Variants in KIF17 observed in about 807,000 individuals in gnomAD.
KIF17 encodes the protein kinesin family member 17.
Under a neutral mutation model 96.8 loss-of-function variants are expected in KIF17, and 80 were observed. The observed-to-expected ratio is 0.83, with a 90% CI of 0.69 to 1.00. The LOEUF is 1.00. KIF17 is among the 50% of genes least tolerant of loss of function. The pLI is 0.00. For synonymous variants in KIF17, 567 were observed against 587.5 expected (o/e 0.97, Z 0.51); for missense variants, 1,280 against 1,372.9 (o/e 0.93, Z 1.07).
chr1:20,683,017 G>A (rs539628418), intron 10 of KIF17, 133 bp from the exon 11 acceptor site: 14 of 721,172 alleles, frequency 1.9e-5, no homozygotes, highest in Middle Eastern at 3.0e-4. Flanking sequence ...GAGGGAAACC[G>A]AGGCTCGGCG....
At chr1:20,680,186 G>A (rs1196186401) in intron 11 of KIF17, among the ~76,000 whole-genome samples, 2 of 152,134 alleles carry the variant, frequency 1.3e-5, no homozygotes, top group African/African-American at 4.8e-5. Flanking sequence ...ACTATACAAA[G>A]AGAAGAGTGT....
Position 20,673,987 on chromosome 1 carries a change from G to A in KIF17, c.2464-1791C>T, listed in dbSNP as rs183230174. ...TCTGTTGCCCAGGCTGGAGTGCAGC[G>A]GCACCTTCTCAGCTCACTGTGGCCT... On this transcript the variant is annotated intron_variant, in intron 11 of 14. Coordinates refer to ENST00000400463, the MANE Select transcript of KIF17 (RefSeq NM_001122819.3). 6.1e-3 allele frequency among the ~76,000 whole-genome samples: 924 copies of A among 151,904 alleles called. 24 individuals carry two copies. Among genetic ancestry groups the A allele is most frequent in the Admixed American group, 0.051 (782 of 15,252 alleles).
In KIF17 at chr1:20,684,944, G is replaced by T; in HGVS notation, c.2096C>A (p.Ala699Asp). The T allele has an allele frequency of 6.2e-7, 1 of 1,603,248 alleles. No homozygotes were observed. Among genetic ancestry groups the T allele is most frequent in the Non-Finnish European group, 8.5e-7 (1 of 1,175,330 alleles). ...AEPGVWLEAQ[A>D]PVALVAQPEP... ...AGGCTGAGCCACCAGGGCCACCGGG[G>T]CCTGAGCCTCCAACCACACGCCAGG... Residue 699 changes from alanine (A) to aspartate (D), a missense_variant, in exon 10 of 15, where the codon GCC (alanine) becomes GAC (aspartate). Transcript: ENST00000400463.
rs2053668790 is a variant in KIF17, at chr1:20,672,665, C to A, written c.2464-469G>T. Reference sequence around the variant, plus strand: ...GCACAAACTCTCCGACTTGACAATCCTCACTCTCCCACTGCCACAGCCCTG... The same window carrying A: ...GCACAAACTCTCCGACTTGACAATCATCACTCTCCCACTGCCACAGCCCTG... On this transcript the variant is annotated intron_variant, in intron 11 of 14. Coordinates refer to ENST00000400463, the MANE Select transcript of KIF17 (RefSeq NM_001122819.3). This position sits in a 1 kb window ranked among gnomAD's most constrained non-coding sequence, Gnocchi z 4.3. Among the ~76,000 whole-genome samples, 1 of 152,198 alleles carries A rather than the reference C, an allele frequency of 6.6e-6. No homozygotes were observed. The highest frequency in any genetic ancestry group is 1.5e-5 in the Non-Finnish European group (1 of 68,036).
At chr1:20,694,626 T>C (rs1371140873) in intron 6 of KIF17, among the ~76,000 whole-genome samples, 3 of 152,108 alleles carry the variant, frequency 2.0e-5, no homozygotes, top group African/African-American at 4.8e-5. Context: ...CTTTGGCAAA[T>C]AGAAACTGGC....
At position 20,670,847 on chromosome 1, in the gene KIF17, G is replaced by A. The variant is rs10157351; in HGVS notation, c.2723-359C>T. Among the ~76,000 whole-genome samples, 141 of 152,002 alleles carry A rather than the reference G, an allele frequency of 9.3e-4. 1 individual carries two copies. The Middle Eastern group carries it at 0.017, about 18-fold the overall frequency. ...AGAGATGTTGGACCTGGATGAACACGCTGAGCAAGAGGGAGGACTCCTGGG... is the reference window on the plus strand; with the variant it reads ...AGAGATGTTGGACCTGGATGAACACACTGAGCAAGAGGGAGGACTCCTGGG... On this transcript the variant is annotated intron_variant, in intron 12 of 14. Transcript: ENST00000400463.
In KIF17 at chr1:20,672,728, C is replaced by A. The variant is rs1475091068; in HGVS notation, c.2464-532G>T. 6.6e-6 allele frequency among the ~76,000 whole-genome samples: 1 copy of A among 152,166 alleles called. No individual in the cohort carries two copies. Among genetic ancestry groups the A allele is most frequent in the Non-Finnish European group, 1.5e-5 (1 of 68,040 alleles). On this transcript the variant is annotated intron_variant, in intron 11 of 14. Coordinates refer to ENST00000400463, the MANE Select transcript of KIF17 (RefSeq NM_001122819.3). This position sits in a 1 kb window ranked among gnomAD's most constrained non-coding sequence, Gnocchi z 4.3. ...ACAAACACTGGACCTAAACAATGGACCTAAGAGTAAGACCCACCTTGATCT... is the reference window on the plus strand; with the variant it reads ...ACAAACACTGGACCTAAACAATGGAACTAAGAGTAAGACCCACCTTGATCT...
Position 20,715,638 on chromosome 1 carries a change from C to G in KIF17, c.233G>C (p.Gly78Ala). The G allele has an allele frequency of 1.2e-6, 2 of 1,613,868 alleles. No homozygotes were observed. The highest frequency in any genetic ancestry group is 1.7e-6 in the Non-Finnish European group (2 of 1,180,030). ...YNEIAYPLVE[G>A]VTEGYNGTIF... ...GGTGCCATTGTAGCCCTCAGTGACGCCCTGCATGGGAGGAAGGCAGGACCC... is the reference window on the plus strand; with the variant it reads ...GGTGCCATTGTAGCCCTCAGTGACGGCCTGCATGGGAGGAAGGCAGGACCC... The change falls in exon 2 of 15, where the codon GGC becomes GCC. Residue 78 changes from glycine to alanine, a missense_variant and splice_region_variant. Coordinates refer to ENST00000400463, the MANE Select transcript of KIF17 (RefSeq NM_001122819.3).
At chr1:20,663,956 GCCACAA>G, downstream of KIF17, 5 of 160,692 alleles carry the variant, frequency 3.1e-5, no homozygotes, top group South Asian at 1.7e-4. Context: ...GAATAGCCAG[GCCACAA>G]TGGCAGGGAG....
rs144285910 is a variant in KIF17 at position 20,709,805 on chromosome 1, G to A, written c.504C>T (p.Gly168=). 6.2e-6 allele frequency: 10 copies of A among 1,612,392 alleles called. No individual in the cohort carries two copies. Among genetic ancestry groups the A allele is most frequent in the South Asian group, 3.3e-5 (3 of 90,868 alleles). The change falls in exon 4 of 15, where the codon GGC becomes GGT. Residue 168 remains glycine, a synonymous_variant. Transcript: ENST00000400463. The surrounding 1 kb of genome is among the most constrained non-coding windows in gnomAD (Gnocchi z 4.7). ...GCATGGACAGCCCCTTCACGTACAC[G>A]CCCTTCTCTGGGTGCTCCTTCAGCT... ...KLELKEHPEK[G]VYVKGLSMHT...
intron 6 of KIF17, among the ~76,000 whole-genome samples, chr1:20,691,259 T>A (rs2054034840): frequency 6.7e-6 from 1 of 149,934 alleles, no homozygotes; most frequent in South Asian, 2.2e-4. Flanking sequence ...ACCACTGCAC[T>A]CCAGCCTGGG....
chr1:20,706,032 C>T (rs2054335554), intron 4 of KIF17, among the ~76,000 whole-genome samples: 1 of 150,552 alleles, frequency 6.6e-6, no homozygotes, highest in Non-Finnish European at 1.5e-5. Context: ...CTTCAGTCTC[C>T]CGAGTAGCTG....
intron 11 of KIF17, among the ~76,000 whole-genome samples, chr1:20,675,373 C>A (rs566015645): frequency 4.2e-5 from 6 of 141,840 alleles, no homozygotes; most frequent in Admixed American, 2.2e-4. Flanking sequence ...GCGTGAACCC[C>A]GGAGGCGGAG....
rs77694323 is a variant in KIF17, at chr1:20,703,486, A to G, written c.1123+961T>C. Among the ~76,000 whole-genome samples the G allele has an allele frequency of 1.2e-3, 121 of 103,138 alleles. 1 individual carries two copies. The highest frequency in any genetic ancestry group is 7.6e-3 in the East Asian group (23 of 3,042). 67.7% of individuals were successfully genotyped at this position (103,138 alleles called of 152,430 possible). Reference sequence around the variant, plus strand: ...TAGATGGGAGGATGGATAGATGGATAGATGGATGGATGCATGGATGGATGG... The same window carrying G: ...TAGATGGGAGGATGGATAGATGGATGGATGGATGGATGCATGGATGGATGG... On this transcript the variant is annotated intron_variant, in intron 5 of 14. Transcript: ENST00000400463.
Position 20,717,854 on chromosome 1 carries a change from C to G in KIF17, c.-148G>C, listed in dbSNP as rs1237414673. 3.8e-6 allele frequency: 2 copies of G among 526,422 alleles called. No homozygotes were observed. The highest frequency in any genetic ancestry group is 4.6e-6 in the Non-Finnish European group (2 of 437,426). The allele number at this position is 526,422 out of a possible 1,614,324, so 32.6% of individuals were successfully genotyped here. A position where few individuals can be genotyped will look rare whatever the true frequency, so the allele number is the denominator to read the frequency against. Reference sequence around the variant, plus strand: ...GGGGCCGCGGCGGGGGGCGGGGACCCCTCGGGGGGCGCCCCGGAGGGGAGC... The same window carrying G: ...GGGGCCGCGGCGGGGGGCGGGGACCGCTCGGGGGGCGCCCCGGAGGGGAGC... On this transcript the variant is annotated 5_prime_UTR_variant, in exon 1 of 15. Transcript: ENST00000400463.
chr1:20,702,965 G>A (rs1010082643), intron 5 of KIF17, among the ~76,000 whole-genome samples: 3 of 152,220 alleles, frequency 2.0e-5, no homozygotes, highest in East Asian at 1.9e-4. Flanking sequence ...CCACACAGAG[G>A]AGCAGCTCAG....
Position 20,685,020 on chromosome 1 carries a change from C to G in KIF17, c.2020G>C (p.Glu674Gln). Reference sequence around the variant, plus strand: ...GCCACTTCCGAGGCCAGATCTACCTCCTGAGTGTGAAGAGAAACCCAGGTG... The same window carrying G: ...GCCACTTCCGAGGCCAGATCTACCTGCTGAGTGTGAAGAGAAACCCAGGTG... The part of the protein sequence containing the change: ...EAADDFPPRP[E>Q]VDLASEVALE... The change falls in exon 10 of 15, where the codon GAG becomes CAG. Residue 674 changes from glutamate to glutamine, a missense_variant and splice_region_variant. By Grantham distance (29) the Glu-to-Gln change is conservative (BLOSUM62 2). Transcript: ENST00000400463. The surrounding 1 kb of genome is among the most constrained non-coding windows in gnomAD (Gnocchi z 4.1). 1.3e-6 allele frequency: 2 copies of G among 1,587,042 alleles called. No individual in the cohort carries two copies. Among genetic ancestry groups the G allele is most frequent in the Non-Finnish European group, 1.7e-6 (2 of 1,166,588 alleles).
chr1:20,691,747 G>A (rs916331421), intron 6 of KIF17, among the ~76,000 whole-genome samples: 1 of 151,750 alleles, frequency 6.6e-6, no homozygotes, highest in Non-Finnish European at 1.5e-5. Context: ...GGGATTACAG[G>A]CATGAGCCAC....
At chr1:20,683,198 C>T (rs1271831172) in intron 10 of KIF17, among the ~76,000 whole-genome samples, 2 of 152,230 alleles carry the variant, frequency 1.3e-5, no homozygotes, top group Non-Finnish European at 2.9e-5. Flanking sequence ...CAGGCTAGTT[C>T]TGTGTCTAAG....
Sources: allele counts gnomAD v4.1 joint callset (sites outside exome capture counted in the v4.1 genomes callset), GRCh38; gene constraint gnomAD v4.1.1; non-coding constraint Gnocchi (gnomAD v3.1); transcripts MANE v1.5; gene names NCBI Gene and HGNC (gene_info 2026-07-23, HGNC 2026-07-21).